RNF220: variants seen among roughly 807,000 people sequenced by gnomAD.
RNF220 encodes the protein E3 ubiquitin-protein ligase RNF220.
In RNF220, 7 loss-of-function variants were observed where a neutral mutation model predicts 67.1. The ratio of observed to expected loss-of-function variants is 0.10; its 90% CI spans 0.06 to 0.20. The LOEUF (loss-of-function observed/expected upper bound fraction) is 0.20, where lower values mean the gene tolerates loss of function less well. Ranked by LOEUF, RNF220 falls within the 10% of genes least tolerant of loss-of-function variation. The pLI is 1.00. For missense variants in RNF220, 565 were observed against 740.3 expected (o/e 0.76, Z 2.75); for synonymous variants, 270 against 283.2 (o/e 0.95, Z 0.47).
chr1:44,616,454 A>G (rs1643549228), intron 3 of RNF220, among the ~76,000 whole-genome samples: 1 of 152,182 alleles, frequency 6.6e-6, no homozygotes, highest in African/African-American at 2.4e-5. Context: ...AATTGCTCCC[A>G]TTTTACAGAG....
chr1:44,405,548 G>T lies in RNF220; in HGVS notation c.-118+18G>T. On this transcript the variant is annotated intron_variant, in intron 1 of 14. Coordinates refer to ENST00000361799, the MANE Select transcript of RNF220 (RefSeq NM_018150.4). ...CACGGCAAGTATGGAGATCAGAAAG[G>T]GGTGTGGACGTGTGTGCGTACCCAA... 2.5e-6 allele frequency: 1 copy of T among 394,726 alleles called. No homozygotes were observed. The highest frequency in any genetic ancestry group is 4.6e-6 in the Non-Finnish European group (1 of 218,156). The allele number at this position is 394,726 out of a possible 1,614,324, so 24.5% of individuals were successfully genotyped here. A position where few individuals can be genotyped will look rare whatever the true frequency, so the allele number is the denominator to read the frequency against.
chr1:44,434,642 G>A (rs1003038563), intron 2 of RNF220, among the ~76,000 whole-genome samples: 10 of 151,536 alleles, frequency 6.6e-5, no homozygotes, highest in Non-Finnish European at 1.3e-4. Context: ...GCATGAACCT[G>A]GGAGGCAGAG....
chr1:44,452,643 G>A (rs1046129622), intron 2 of RNF220, among the ~76,000 whole-genome samples: 1 of 152,024 alleles, frequency 6.6e-6, no homozygotes, highest in African/African-American at 2.4e-5. Flanking sequence ...TTTACTTTGT[G>A]GATTTTTAGT....
intron 8 of RNF220, 116 bp downstream of exon 8, chr1:44,636,278 C>A: frequency 7.4e-7 from 1 of 1,353,106 alleles, no homozygotes; most frequent in Non-Finnish European, 1.0e-6. Context: ...CGTTCCACCA[C>A]GTGGGGACTG....
At chr1:44,437,231 C>A (rs944929841) in intron 2 of RNF220, among the ~76,000 whole-genome samples, 3 of 152,178 alleles carry the variant, frequency 2.0e-5, no homozygotes, top group Admixed American at 6.5e-5. Context: ...AAGTCGATTG[C>A]ATAGACACAG....
intron 2 of RNF220, among the ~76,000 whole-genome samples, chr1:44,433,221 T>C (rs1388972892): frequency 6.6e-6 from 1 of 152,186 alleles, no homozygotes; most frequent in Non-Finnish European, 1.5e-5. Context: ...TGAGCCACCA[T>C]GCCTGGCCAA....
chr1:44,533,584 CAGTACTTCATACTG>C lies in RNF220; in HGVS notation c.626-80577_626-80564del, dbSNP rs148621583. ...CATGTATTAAGTACTTGCTTTCGGC[CAGTACTTCATACTG>C]AGTTGCAGGGACCACAAAGAATAAG... On this transcript the variant is annotated intron_variant, in intron 2 of 14. Coordinates refer to ENST00000361799, the MANE Select transcript of RNF220 (RefSeq NM_018150.4). 1.3e-4 allele frequency among the ~76,000 whole-genome samples: 20 copies of C among 152,328 alleles called. No individual in the cohort carries two copies. In the East Asian group the frequency reaches 3.1e-3, roughly 24 times the overall value.
intron 2 of RNF220, among the ~76,000 whole-genome samples, chr1:44,449,949 C>T (rs980357968): frequency 7.9e-5 from 12 of 152,170 alleles, no homozygotes; most frequent in African/African-American, 2.2e-4. Context: ...CAGTGGCTCA[C>T]GCCTGTAATC....
At chr1:44,457,876 G>T (rs1653356156) in intron 2 of RNF220, among the ~76,000 whole-genome samples, 1 of 152,142 alleles carries the variant, frequency 6.6e-6, no homozygotes, top group South Asian at 2.1e-4. Context: ...GAGTGTCAGG[G>T]CCTTTTATCA....
intron 2 of RNF220, among the ~76,000 whole-genome samples, chr1:44,421,768 A>G (rs1181680599): frequency 6.6e-6 from 1 of 152,142 alleles, no homozygotes; most frequent in Admixed American, 6.5e-5. Flanking sequence ...GGACTTGGGA[A>G]TACCAGAGAA....
chr1:44,636,146 G>T lies in RNF220; in HGVS notation c.1110G>T (p.Leu370=). The T allele has an allele frequency of 1.9e-6, 3 of 1,605,440 alleles. No individual in the cohort carries two copies. The Middle Eastern group carries it at 5.0e-4, about 266-fold the overall frequency. The stretch of plus-strand genomic sequence containing the variant: ...AGCGGATACGGGCCACCACTCTCCT[G>T]GAAGGTGGCTTCCGAGGTACAAGCA... ...GQKRIRATTL[L]EGGFRGSGFI... The change falls in exon 8 of 15, where the codon CTG becomes CTT. Residue 370 remains leucine, a synonymous_variant. Coordinates refer to ENST00000361799, the MANE Select transcript of RNF220 (RefSeq NM_018150.4).
intron 2 of RNF220, among the ~76,000 whole-genome samples, chr1:44,422,270 G>A (rs888688854): frequency 1.3e-5 from 2 of 152,148 alleles, no homozygotes; most frequent in African/African-American, 2.4e-5. Flanking sequence ...GCGCATGCTC[G>A]GCTGAGGAAT....
chr1:44,597,449 T>TTC (rs150680804), intron 2 of RNF220, among the ~76,000 whole-genome samples: 44 of 128,510 alleles, frequency 3.4e-4, no homozygotes, highest in South Asian at 7.9e-4. Flanking sequence ...ATACACGCCC[T>TTC]TCTCTCTCTC....
intron 2 of RNF220, among the ~76,000 whole-genome samples, chr1:44,536,986 C>T (rs1226475163): frequency 1.3e-5 from 2 of 148,160 alleles, no homozygotes; most frequent in Non-Finnish European, 3.0e-5. Flanking sequence ...CCCTACCCCT[C>T]GGTCCCATTT....
chr1:44,412,651 A>G lies in RNF220; in HGVS notation c.554A>G (p.Lys185Arg). ...GSLKVDDTGK[K>R]IFAVSGLISD... ...CTAAAGGTTGATGACACTGGGAAGA[A>G]GATTTTTGCTGTCTCTGGCCTCATT... Residue 185 changes from lysine to arginine, a missense_variant, in exon 2 of 15, where the codon AAG (lysine) becomes AGG (arginine). By Grantham distance (26) the Lys-to-Arg change is conservative. Coordinates refer to ENST00000361799, the MANE Select transcript of RNF220 (RefSeq NM_018150.4). The surrounding 1 kb of genome is among the most constrained non-coding windows in gnomAD (Gnocchi z 5.3). The G allele has an allele frequency of 6.2e-7, 1 of 1,614,186 alleles. No homozygotes were observed. Among genetic ancestry groups the G allele is most frequent in the Non-Finnish European group, 8.5e-7 (1 of 1,180,030 alleles).
chr1:44,499,015 C>T (rs1657595499), intron 2 of RNF220, among the ~76,000 whole-genome samples: 1 of 152,126 alleles, frequency 6.6e-6, no homozygotes, highest in Admixed American at 6.5e-5. Context: ...CTTAAACATC[C>T]TGCTCTCCAA....
rs1648127204 is a variant in RNF220, at chr1:44,412,967, A to C, written c.625+245A>C. Among the ~76,000 whole-genome samples, 1 of 152,088 alleles carries C rather than the reference A, an allele frequency of 6.6e-6. No homozygotes were observed. The highest frequency in any genetic ancestry group is 2.4e-5 in the African/African-American group (1 of 41,402). On this transcript the variant is annotated intron_variant, in intron 2 of 14. Transcript: ENST00000361799. This position sits in a 1 kb window ranked among gnomAD's most constrained non-coding sequence, Gnocchi z 5.3. ...AGCACAGCCTTTCTCTCCGGACCCT[A>C]GTGGGCTTATTCTCTGAGGACTTGA...
chr1:44,433,363 A>T (rs1466901625), intron 2 of RNF220, among the ~76,000 whole-genome samples: 2 of 152,224 alleles, frequency 1.3e-5, no homozygotes, highest in Non-Finnish European at 2.9e-5. Context: ...AGTACGTAAC[A>T]GTTCAGAATC....
chr1:44,509,845 C>T (rs545769479), intron 2 of RNF220, among the ~76,000 whole-genome samples: 5 of 125,928 alleles, frequency 4.0e-5, no homozygotes, highest in Non-Finnish European at 6.3e-5. Context: ...CAAGATTGTG[C>T]CACTGTACTC....
Sources: gnomAD v4.1 joint callset for allele counts (sites outside exome capture counted in the v4.1 genomes callset) on GRCh38, gnomAD v4.1.1 for gene constraint, Gnocchi (gnomAD v3.1) non-coding constraint, MANE v1.5 for transcripts, NCBI Gene and HGNC (gene_info 2026-07-23, HGNC 2026-07-21) for gene names.